PCDH10: variants seen among roughly 807,000 people sequenced by gnomAD.
PCDH10 encodes protocadherin 10, also known as protocadherin-10.
A neutral mutation model predicts 74.4 loss-of-function variants in PCDH10; 15 were observed. The observed-to-expected ratio is 0.20, with a 90% CI of 0.13 to 0.31. The LOEUF (loss-of-function observed/expected upper bound fraction) is 0.31. Among genes scored for constraint, PCDH10 ranks in the 10% least tolerant of loss-of-function variants. PCDH10 has a pLI of 1.00. For missense variants in PCDH10, 1,260 were observed against 1,390.2 expected, an observed-to-expected ratio of 0.91 and a Z score of 1.49; for synonymous variants, 619 against 589.8, an observed-to-expected ratio of 1.05 and a Z score of -0.72.
At chr4:133,180,646 A>G (rs185985028) in intron 4 of PCDH10, among the ~76,000 whole-genome samples, 90 of 152,112 alleles carry the variant, frequency 5.9e-4, no homozygotes, top group African/African-American at 2.2e-3. Context: ...ACTGGCCCCA[A>G]GAAAGATTGA....
chr4:133,164,161 C>T (rs1215133849), intron 4 of PCDH10: 10 of 331,336 alleles, frequency 3.0e-5, no homozygotes, highest in Non-Finnish European at 5.3e-5. Context: ...ACCAAAAAAT[C>T]ATTTGTTTTG....
At chr4:133,177,647 G>T (rs1029819503) in intron 4 of PCDH10, among the ~76,000 whole-genome samples, 1 of 151,924 alleles carries the variant, frequency 6.6e-6, no homozygotes, top group Admixed American at 6.6e-5. Context: ...CAATGATAAA[G>T]TTCTTGCATT....
At chr4:133,183,915 T>A (rs181870129) in intron 4 of PCDH10, among the ~76,000 whole-genome samples, 2 of 152,314 alleles carry the variant, frequency 1.3e-5, no homozygotes, top group Admixed American at 6.5e-5. Context: ...TATTCATTCA[T>A]TGATGTATAT....
intron 2 of PCDH10, 54 bp downstream of exon 2, chr4:133,154,419 G>A: frequency 2.1e-6 from 2 of 940,026 alleles, no homozygotes; most frequent in Non-Finnish European, 3.3e-6. Context: ...CCTAGTAAAA[G>A]TAGGAAGTAG....
intron 4 of PCDH10, among the ~76,000 whole-genome samples, chr4:133,171,532 A>G (rs1221399378): frequency 6.6e-6 from 1 of 152,152 alleles, no homozygotes; most frequent in African/African-American, 2.4e-5. Flanking sequence ...AAAGTGCAAC[A>G]TGTAGTAGAA....
In PCDH10 at chr4:133,152,568, T is replaced by G. The variant is rs201812366; in HGVS notation, c.2428T>G (p.Phe810Val). The change falls in exon 1 of 5, where the codon TTT becomes GTT. Residue 810 changes from phenylalanine (F) to valine (V), a missense_variant. By Grantham distance (50) the Phe-to-Val change is conservative. Transcript: ENST00000264360. ...GGTGCCGATAGAGGAGTCCGGGGGC[T>G]TTGGCTCCCACCACCACAACCAGAA... ...AQVPIEESGG[F>V]GSHHHNQNYC... 4 of 1,614,116 alleles carry G rather than the reference T, an allele frequency of 2.5e-6. No homozygotes were observed. In the East Asian group the frequency reaches 6.7e-5, roughly 27 times the overall value.
chr4:133,199,613 C>G (rs1255156673), downstream of PCDH10, among the ~76,000 whole-genome samples: 2 of 150,580 alleles, frequency 1.3e-5, no homozygotes, highest in South Asian at 2.1e-4. Context: ...TGCCATTAAA[C>G]AAGTTAATGT....
At chr4:133,184,784 AAATATATATATT>A (rs1327121141) in intron 4 of PCDH10, among the ~76,000 whole-genome samples, 6 of 138,290 alleles carry the variant, frequency 4.3e-5, no homozygotes, top group African/African-American at 8.0e-5. Flanking sequence ...ATATATATAT[AAATATATATATT>A]TATATATATA....
chr4:133,176,413 G>A (rs1727297891), intron 4 of PCDH10, among the ~76,000 whole-genome samples: 1 of 152,102 alleles, frequency 6.6e-6, no homozygotes, highest in Non-Finnish European at 1.5e-5. Context: ...AAAGCAGTGA[G>A]TGCCTGCCCA....
At chr4:133,177,412 G>T (rs911233093) in intron 4 of PCDH10, among the ~76,000 whole-genome samples, 10 of 152,104 alleles carry the variant, frequency 6.6e-5, no homozygotes, top group South Asian at 6.2e-4. Context: ...CCAAACTTTA[G>T]TTACAGCTTA....
intron 4 of PCDH10, among the ~76,000 whole-genome samples, chr4:133,189,578 T>C (rs1017941226): frequency 6.6e-6 from 1 of 152,002 alleles, no homozygotes; most frequent in African/African-American, 2.4e-5. Context: ...TAAAAAAATG[T>C]ATGGGCCATA....
At chr4:133,189,854 A>T (rs1313773994) in intron 4 of PCDH10, among the ~76,000 whole-genome samples, 2 of 151,950 alleles carry the variant, frequency 1.3e-5, no homozygotes, top group Non-Finnish European at 2.9e-5. Context: ...GGATTGTTTT[A>T]TGTAGATAAC....
chr4:133,182,707 A>G (rs547910773), intron 4 of PCDH10, among the ~76,000 whole-genome samples: 1 of 152,220 alleles, frequency 6.6e-6, no homozygotes, highest in South Asian at 2.1e-4. Flanking sequence ...CTGAAAAATA[A>G]TTCAGTCTCC....
chr4:133,195,577 G>T (rs1182529014), downstream of PCDH10, among the ~76,000 whole-genome samples: 1 of 151,960 alleles, frequency 6.6e-6, no homozygotes, highest in African/African-American at 2.4e-5. Flanking sequence ...ATATACTGAG[G>T]TCTAACAGTG....
Position 133,150,818 on chromosome 4 carries a change from C to A in PCDH10, c.678C>A (p.Pro226=), listed in dbSNP as rs375190136. 7 of 1,588,080 alleles carry A rather than the reference C, an allele frequency of 4.4e-6. No individual in the cohort carries two copies. The African/African-American group carries it at 5.4e-5, about 12-fold the overall frequency. Residue 226 remains proline, a synonymous_variant, in exon 1 of 5, where the codon CCC becomes CCA. Coordinates refer to ENST00000264360, the MANE Select transcript of PCDH10 (RefSeq NM_032961.3). The part of the protein sequence containing the change: ...GGGGGGAGLP[P]QQQRTGTALL... ...GTGGCGGGGGAGCAGGCCTGCCCCC[C>A]CAGCAGCAGCGCACCGGCACGGCCC...
chr4:133,204,325 C>T (rs774913633), intron 2 of PCDH10, among the ~76,000 whole-genome samples: 4 of 152,140 alleles, frequency 2.6e-5, no homozygotes, highest in Non-Finnish European at 5.9e-5. Flanking sequence ...TCACAGTTAA[C>T]ATCCACATGG....
intron 3 of PCDH10, among the ~76,000 whole-genome samples, chr4:133,156,151 G>A (rs538373836): frequency 6.6e-6 from 1 of 152,264 alleles, no homozygotes; most frequent in Non-Finnish European, 1.5e-5. Context: ...TAACACACTT[G>A]TGGACCTCTG....
chr4:133,197,191 T>A (rs77697791), downstream of PCDH10, among the ~76,000 whole-genome samples: 6,924 of 152,274 alleles, frequency 0.045, 492 homozygotes, highest in African/African-American at 0.15. Context: ...CATGTGTATG[T>A]TTGCACTAGG....
chr4:133,207,718 A>G (rs1728036802), intron 2 of PCDH10, among the ~76,000 whole-genome samples: 1 of 152,192 alleles, frequency 6.6e-6, no homozygotes, highest in Admixed American at 6.5e-5. Flanking sequence ...TTTGGGAAAA[A>G]AGACTGCAGA....
Sources: allele counts gnomAD v4.1 joint callset (sites outside exome capture counted in the v4.1 genomes callset), GRCh38; gene constraint gnomAD v4.1.1; transcripts MANE v1.5; gene names NCBI Gene and HGNC (gene_info 2026-07-23, HGNC 2026-07-21).